The following CHL1 variants were observed in gnomAD, a reference collection of about 807,000 sequenced individuals.
CHL1 encodes the protein neural cell adhesion molecule L1-like protein.
A neutral mutation model predicts 141.9 loss-of-function variants in CHL1; 96 were observed. The observed-to-expected ratio is 0.68, with a 90% CI of 0.57 to 0.80. The LOEUF is 0.80. Among genes scored for constraint, CHL1 ranks in the 30% least tolerant of loss-of-function variants. The pLI is 0.00. For missense variants in CHL1, 1,820 were observed against 1,457.2 expected (o/e 1.25, Z -4.05); for synonymous variants, 613 against 502.2 (o/e 1.22, Z -2.95).
In CHL1 at chr3:365,938, TG is replaced by T. The variant is rs763681433; in HGVS notation, c.1586-10del. On this transcript the variant is annotated splice_polypyrimidine_tract_variant and intron_variant, in intron 14 of 27. Transcript: ENST00000256509. ...CTTAGTTCTAACTAATATCTTTGTT[TG>T]GTAAAAACAGATGCTACAAAACTTA... The T allele has an allele frequency of 1.2e-6, 2 of 1,607,158 alleles. No individual in the cohort carries two copies. The highest frequency in any genetic ancestry group is 1.7e-6 in the Non-Finnish European group (2 of 1,175,808).
chr3:331,996 G>A (rs887674700), intron 5 of CHL1, among the ~76,000 whole-genome samples: 7 of 152,184 alleles, frequency 4.6e-5, no homozygotes, highest in Admixed American at 6.5e-5. Flanking sequence ...AGTTTACTGC[G>A]TGATCTTTGG....
chr3:285,801 T>C (rs1033804433), intron 2 of CHL1, among the ~76,000 whole-genome samples: 1 of 152,068 alleles, frequency 6.6e-6, no homozygotes, highest in Non-Finnish European at 1.5e-5. Context: ...ACAACAACAA[T>C]ATTTTTATTT....
intron 11 of CHL1, among the ~76,000 whole-genome samples, chr3:359,287 T>G (rs1027400721): frequency 5.3e-5 from 8 of 151,956 alleles, no homozygotes; most frequent in African/African-American, 9.7e-5. Context: ...TGTTAGGTAT[T>G]CTTTTTTTTC....
rs1704826408 is a variant in CHL1, at chr3:365,963, T to TA, written c.1600dup (p.Arg534LysfsTer5). Reference sequence around the variant, plus strand: ...TGGTAAAAACAGATGCTACAAAACTTAGAGTTTCTCCTAAGAATCCTCGTA... The same window carrying TA: ...TGGTAAAAACAGATGCTACAAAACTTAAGAGTTTCTCCTAAGAATCCTCGTA... On this transcript the variant is annotated frameshift_variant, in exon 15 of 28. Coordinates refer to ENST00000256509, the MANE Select transcript of CHL1 (RefSeq NM_006614.4). LOFTEE classifies it high-confidence loss of function. 6.2e-7 allele frequency: 1 copy of TA among 1,612,912 alleles called. No homozygotes were observed. Among genetic ancestry groups the TA allele is most frequent in the Non-Finnish European group, 8.5e-7 (1 of 1,179,320 alleles).
intron 20 of CHL1, among the ~76,000 whole-genome samples, chr3:390,353 T>C (rs1170648979): frequency 6.6e-6 from 1 of 152,248 alleles, no homozygotes; most frequent in Non-Finnish European, 1.5e-5. Context: ...TGTTAGCTGT[T>C]ATTAATATTT....
chr3:261,495 C>G (rs913600024), intron 2 of CHL1, among the ~76,000 whole-genome samples: 3 of 152,140 alleles, frequency 2.0e-5, no homozygotes, highest in Non-Finnish European at 2.9e-5. Context: ...GTTAAGAAAT[C>G]ATATTCTATC....
intron 2 of CHL1, among the ~76,000 whole-genome samples, chr3:274,247 A>G (rs908991677): frequency 6.6e-6 from 1 of 152,222 alleles, no homozygotes; most frequent in African/African-American, 2.4e-5. Flanking sequence ...GATTGTTAAA[A>G]GCAGATCTAG....
chr3:242,362 T>C (rs9883157), intron 1 of CHL1, among the ~76,000 whole-genome samples: 130,387 of 143,456 alleles, frequency 0.91, 59,288 homozygotes, highest in East Asian at 1. Context: ...TTTGGGAGGC[T>C]GAGGGGGGCA....
chr3:258,645 C>G (rs573505550), intron 2 of CHL1, among the ~76,000 whole-genome samples: 15 of 152,306 alleles, frequency 9.8e-5, no homozygotes, highest in Admixed American at 6.5e-4. Context: ...ATGTCAGTCC[C>G]TTTTTCCATC....
intron 5 of CHL1, among the ~76,000 whole-genome samples, chr3:336,205 C>T (rs1032876623): frequency 6.6e-6 from 1 of 151,778 alleles, no homozygotes; most frequent in Non-Finnish European, 1.5e-5. Flanking sequence ...TACAGATGAG[C>T]AAAAAGGCAT....
At chr3:347,786 C>A (rs376678051) in intron 9 of CHL1, among the ~76,000 whole-genome samples, 1 of 152,326 alleles carries the variant, frequency 6.6e-6, no homozygotes, top group African/African-American at 2.4e-5. Flanking sequence ...AGCTAATATG[C>A]TCTCACAGCT....
chr3:221,321 C>T (rs1038744639), intron 1 of CHL1, among the ~76,000 whole-genome samples: 7 of 152,178 alleles, frequency 4.6e-5, no homozygotes, highest in African/African-American at 1.7e-4. Flanking sequence ...TTTTCATTGA[C>T]ACTAATCATC....
intron 1 of CHL1, among the ~76,000 whole-genome samples, chr3:224,032 C>A (rs1210436138): frequency 1.3e-5 from 2 of 152,122 alleles, no homozygotes; most frequent in Admixed American, 6.5e-5. Flanking sequence ...CCTATAGGAG[C>A]AATTGGGAAG....
chr3:234,876 A>G (rs980788624), intron 1 of CHL1, among the ~76,000 whole-genome samples: 2 of 152,206 alleles, frequency 1.3e-5, no homozygotes, highest in East Asian at 3.9e-4. Context: ...TGGGACAGAA[A>G]TGCTTCATAA....
In CHL1 at chr3:377,958, A is replaced by G. The variant is rs1362576380; in HGVS notation, c.1876+16A>G. ...ACTGTTCTTGGTAAGTGCACTAACT[A>G]ATGAGAAATCTGTTCATTTCTTCAT... is the stretch of plus-strand genomic sequence containing the variant. On this transcript the variant is annotated intron_variant, in intron 16 of 27. Coordinates refer to ENST00000256509, the MANE Select transcript of CHL1 (RefSeq NM_006614.4). 6.3e-7 allele frequency: 1 copy of G among 1,586,996 alleles called. No homozygotes were observed. Among genetic ancestry groups the G allele is most frequent in the South Asian group, 1.2e-5 (1 of 84,522 alleles).
chr3:314,296 GCA>G (rs1357354032), intron 2 of CHL1, among the ~76,000 whole-genome samples: 943 of 85,474 alleles, frequency 0.011, 30 homozygotes, highest in African/African-American at 0.048. Context: ...CCCCAATCTT[GCA>G]CTCTCTCTCT....
intron 1 of CHL1, among the ~76,000 whole-genome samples, chr3:205,450 A>G (rs1161184334): frequency 1.3e-5 from 2 of 152,168 alleles, no homozygotes; most frequent in South Asian, 2.1e-4. Flanking sequence ...GCAACATTGT[A>G]TAACTGATAG....
At chr3:298,069 C>A (rs1574993667) in intron 2 of CHL1, among the ~76,000 whole-genome samples, 1 of 152,156 alleles carries the variant, frequency 6.6e-6, no homozygotes, top group African/African-American at 2.4e-5. Flanking sequence ...AGTGTATATA[C>A]AACCAGTCTT....
intron 2 of CHL1, among the ~76,000 whole-genome samples, chr3:277,828 C>G (rs553704707): frequency 6.6e-6 from 1 of 152,328 alleles, no homozygotes; most frequent in South Asian, 2.1e-4. Flanking sequence ...GCCAGTGACA[C>G]ATTCCTTTAT....
Sources: allele counts gnomAD v4.1 joint callset (sites outside exome capture counted in the v4.1 genomes callset), GRCh38; gene constraint gnomAD v4.1.1; transcripts MANE v1.5; gene names NCBI Gene and HGNC (gene_info 2026-07-23, HGNC 2026-07-21).